FOXO1: variants seen among roughly 807,000 people sequenced by gnomAD.
The protein encoded by FOXO1 is forkhead box O1.
Under a neutral mutation model 44.1 loss-of-function variants are expected in FOXO1, and 6 were observed. The observed-to-expected ratio is 0.14, with a 90% CI of 0.07 to 0.27. The LOEUF is 0.27. Among genes scored for constraint, FOXO1 ranks in the 10% least tolerant of loss-of-function variants. The pLI is 1.00. For missense variants in FOXO1, 737 were observed against 888.8 expected (o/e 0.83, Z 2.17); for synonymous variants, 380 against 362.7 (o/e 1.05, Z -0.54).
At position 40,666,144 on chromosome 13, in the gene FOXO1, G is replaced by A. The variant is rs1593422318; in HGVS notation, c.69C>T (p.Cys23=). 6 of 1,462,026 alleles carry A rather than the reference G, an allele frequency of 4.1e-6. No homozygotes were observed. The South Asian group carries it at 5.2e-5, about 13-fold the overall frequency. 90.6% of individuals were successfully genotyped at this position (1,462,026 alleles called of 1,614,324 possible). ...ACTCCGGCCTGGGCAGCGGCCAGGT[G>A]CACGAGCGCGGCCGGGGCAGCGGCT... ...DFEPLPRPRS[C]TWPLPRPEFS... The change falls in exon 1 of 3, where the codon TGC becomes TGT. Residue 23 remains cysteine (C), a synonymous_variant. Transcript: ENST00000379561.
At position 40,665,931 on chromosome 13, in the gene FOXO1, C is replaced by G; in HGVS notation, c.282G>C (p.Val94=). 1 of 1,213,502 alleles carries G rather than the reference C, an allele frequency of 8.2e-7. No individual in the cohort carries two copies. Among genetic ancestry groups the G allele is most frequent in the Non-Finnish European group, 1.0e-6 (1 of 979,092 alleles). The allele number at this position is 1,213,502 out of a possible 1,614,324, so 75.2% of individuals were successfully genotyped here. The change falls in exon 1 of 3, where the codon GTG becomes GTC. Residue 94 remains valine, a synonymous_variant. Transcript: ENST00000379561. The stretch of plus-strand genomic sequence containing the variant: ...TGGCGGCCGCGGCGGCCGCCGCCGC[C>G]ACCGCCGCCGCCACGGAGCCGGGCG... ...PQAPGSVAAA[V]AAAAAAAATG...
At position 40,664,792 on chromosome 13, in the gene FOXO1, C is replaced by T. The variant is rs1878165717; in HGVS notation, c.630+791G>A. On this transcript the variant is annotated intron_variant, in intron 1 of 2. Coordinates refer to ENST00000379561, the MANE Select transcript of FOXO1 (RefSeq NM_002015.4). ...CCTTTAAAGGCGCGGGCTTCCTGCG[C>T]CCGGGGCCCCTCCCACGCCACCGCC... Among the ~76,000 whole-genome samples the T allele has an allele frequency of 1.3e-5, 2 of 149,374 alleles. 1 individual carries two copies. The highest frequency in any genetic ancestry group is 3.0e-5 in the Non-Finnish European group (2 of 67,624).
intron 1 of FOXO1, among the ~76,000 whole-genome samples, chr13:40,593,912 G>A (rs1875482086): frequency 6.6e-6 from 1 of 152,146 alleles, no homozygotes; most frequent in Admixed American, 6.5e-5. Flanking sequence ...ATAGAGAACT[G>A]CCTAATGAGG....
chr13:40,606,421 T>C (rs997914450), intron 1 of FOXO1, among the ~76,000 whole-genome samples: 11 of 152,156 alleles, frequency 7.2e-5, no homozygotes, highest in Non-Finnish European at 1.6e-4. Context: ...GTGATTCTCC[T>C]GTCTCAGCCT....
At chr13:40,654,661 A>G (rs1046331209) in intron 1 of FOXO1, among the ~76,000 whole-genome samples, 1 of 152,194 alleles carries the variant, frequency 6.6e-6, no homozygotes, top group East Asian at 1.9e-4. Context: ...GGAAATTTCT[A>G]TATGTGGCTG....
intron 1 of FOXO1, among the ~76,000 whole-genome samples, chr13:40,611,374 G>C (rs77563897): frequency 0.038 from 5,796 of 152,192 alleles, 396 homozygotes; most frequent in African/African-American, 0.13. Flanking sequence ...CCAATACAAG[G>C]TTACTAGGTA....
intron 1 of FOXO1, among the ~76,000 whole-genome samples, chr13:40,643,267 G>C (rs540274099): frequency 6.6e-6 from 1 of 151,674 alleles, no homozygotes; most frequent in Non-Finnish European, 1.5e-5. Flanking sequence ...GCTTGAACCC[G>C]GGAGGCAGAT....
At chr13:40,653,526 G>A (rs1180423519) in intron 1 of FOXO1, among the ~76,000 whole-genome samples, 1 of 152,216 alleles carries the variant, frequency 6.6e-6, no homozygotes, top group Non-Finnish European at 1.5e-5. Context: ...GTGCCTCCCG[G>A]CCTCAGCTAA....
At chr13:40,638,865 G>C (rs556699084) in intron 1 of FOXO1, among the ~76,000 whole-genome samples, 49 of 151,908 alleles carry the variant, frequency 3.2e-4, no homozygotes, top group African/African-American at 8.5e-4. Flanking sequence ...TGGAAGGAAG[G>C]GGGGCAGGGC....
At chr13:40,606,427 A>G (rs1049593515) in intron 1 of FOXO1, among the ~76,000 whole-genome samples, 1 of 152,008 alleles carries the variant, frequency 6.6e-6, no homozygotes, top group African/African-American at 2.4e-5. Context: ...CTCCTGTCTC[A>G]GCCTCCTGAG....
chr13:40,596,442 G>T (rs917164512), intron 1 of FOXO1, among the ~76,000 whole-genome samples: 2 of 152,180 alleles, frequency 1.3e-5, no homozygotes, highest in African/African-American at 4.8e-5. Context: ...TATGAGAAAT[G>T]AAATTTTAAA....
Position 40,556,825 on chromosome 13 carries a change from G to A in FOXO1, c.*2224C>T, listed in dbSNP as rs1873770760. The A allele has an allele frequency of 6.6e-6, 1 of 152,198 alleles. No individual in the cohort carries two copies. The highest frequency in any genetic ancestry group is 2.1e-4 in the South Asian group (1 of 4,826). 9.4% of individuals were successfully genotyped at this position (152,198 alleles called of 1,614,324 possible). A position where few individuals can be genotyped will look rare whatever the true frequency, so the allele number is the denominator to read the frequency against. Reference sequence around the variant, plus strand: ...TTTAATGAACAAATGGGGGCTCTGAGGTTCCTTGTATTATGATGCAGTAAT... The same window carrying A: ...TTTAATGAACAAATGGGGGCTCTGAAGTTCCTTGTATTATGATGCAGTAAT... On this transcript the variant is annotated 3_prime_UTR_variant, in exon 3 of 3. Coordinates refer to ENST00000379561, the MANE Select transcript of FOXO1 (RefSeq NM_002015.4).
intron 1 of FOXO1, among the ~76,000 whole-genome samples, chr13:40,629,291 C>A (rs570917746): frequency 6.6e-6 from 1 of 152,178 alleles, no homozygotes; most frequent in East Asian, 1.9e-4. Context: ...TACAGGCATG[C>A]GCCACCACGC....
chr13:40,572,574 T>C (rs930735310), intron 1 of FOXO1, among the ~76,000 whole-genome samples: 1 of 152,226 alleles, frequency 6.6e-6, no homozygotes, highest in Non-Finnish European at 1.5e-5. Flanking sequence ...GGAAGCCTAA[T>C]GCAACAACGA....
At position 40,666,065 on chromosome 13, in the gene FOXO1, C is replaced by T. The variant is rs1423943622; in HGVS notation, c.148G>A (p.Ala50Thr). 1 of 1,322,478 alleles carries T rather than the reference C, an allele frequency of 7.6e-7. No individual in the cohort carries two copies. Among genetic ancestry groups the T allele is most frequent in the Non-Finnish European group, 9.6e-7 (1 of 1,039,168 alleles). 81.9% of individuals were successfully genotyped at this position (1,322,478 alleles called of 1,614,324 possible). A position where few individuals can be genotyped will look rare whatever the true frequency, so the allele number is the denominator to read the frequency against. The stretch of plus-strand genomic sequence containing the variant: ...AGGCCCGCCGCGGCGTCGGGGTTGG[C>T]AGCCGCGCTGCCCGACGGCGCCGGG... The part of the protein sequence containing the change: ...SSPAPSGSAA[A>T]NPDAAAGLPS... Residue 50 changes from alanine (A) to threonine (T), a missense_variant, in exon 1 of 3, where the codon GCC (alanine) becomes ACC (threonine). Ala to Thr is a moderately conservative substitution (Grantham distance 58, BLOSUM62 0). Around this residue, in one of 7 missense-constraint regions of FOXO1, gnomAD observed 213 missense variants for 236.4 expected, o/e 0.90. Transcript: ENST00000379561.
chr13:40,633,561 T>C (rs1486553481), intron 1 of FOXO1, among the ~76,000 whole-genome samples: 1 of 152,166 alleles, frequency 6.6e-6, no homozygotes, highest in Non-Finnish European at 1.5e-5. Context: ...TACAAAATGT[T>C]CACAACAGGC....
chr13:40,657,319 C>CT (rs369503666), intron 1 of FOXO1, among the ~76,000 whole-genome samples: 49,603 of 127,780 alleles, frequency 0.39, 10,895 homozygotes, highest in East Asian at 0.72. Context: ...CCTTTTTTTT[C>CT]TTTTTTTTTT....
At position 40,621,680 on chromosome 13, in the gene FOXO1, T is replaced by G. The variant is rs1205964641; in HGVS notation, c.630+43903A>C. Among the ~76,000 whole-genome samples the G allele has an allele frequency of 2.0e-5, 3 of 152,338 alleles. No individual in the cohort carries two copies. In the East Asian group the frequency reaches 5.8e-4, roughly 29 times the overall value. On this transcript the variant is annotated intron_variant, in intron 1 of 2. Transcript: ENST00000379561. The stretch of plus-strand genomic sequence containing the variant: ...GGTTAAAAACCAATCTTCTTTTCCT[T>G]AATAGCACAGCAGACTTTACTTTCA...
At chr13:40,613,412 T>A (rs1649152571) in intron 1 of FOXO1, among the ~76,000 whole-genome samples, 1 of 143,178 alleles carries the variant, frequency 7.0e-6, no homozygotes, top group Non-Finnish European at 1.5e-5. Context: ...TATTTTCAGT[T>A]TGGTGTTTAA....
Sources: gnomAD v4.1 joint callset for allele counts (sites outside exome capture counted in the v4.1 genomes callset) on GRCh38, gnomAD v4.1.1 for gene constraint, gnomAD v4.1.1 regional missense constraint, MANE v1.5 for transcripts, NCBI Gene and HGNC (gene_info 2026-07-23, HGNC 2026-07-21) for gene names.